AKR1B1: variants seen among roughly 807,000 people sequenced by gnomAD.
The protein encoded by AKR1B1 is aldo-keto reductase family 1 member B1.
A neutral mutation model predicts 40.4 loss-of-function variants in AKR1B1; 22 were observed. The ratio of observed to expected loss-of-function variants is 0.54; its 90% CI spans 0.39 to 0.78. The LOEUF is 0.78. AKR1B1 is among the 30% of genes least tolerant of loss of function. The pLI is 0.00. For missense variants in AKR1B1, 357 were observed against 396.7 expected, an observed-to-expected ratio of 0.90 and a Z score of 0.85; for synonymous variants, 157 against 149.9, an observed-to-expected ratio of 1.05 and a Z score of -0.35.
intron 1 of AKR1B1, 110 bp downstream of exon 1, chr7:134,458,887 C>A: frequency 7.6e-7 from 1 of 1,308,104 alleles, no homozygotes; most frequent in South Asian, 1.3e-5. Flanking sequence ...TCCCAGCACG[C>A]CGGGCGTCCG....
At chr7:134,451,560 C>G in intron 2 of AKR1B1, 26 bp downstream of exon 2, 1 of 1,612,900 alleles carries the variant, frequency 6.2e-7, no homozygotes, top group Non-Finnish European at 8.5e-7. Context: ...CCGAGAGCCC[C>G]TTCCAGCCCC....
At chr7:134,448,952 TA>T (rs768726474) in intron 5 of AKR1B1, 44 bp downstream of exon 5, 1 of 1,613,302 alleles carries the variant, frequency 6.2e-7, no homozygotes, top group Admixed American at 1.7e-5. Flanking sequence ...CATCAGACAG[TA>T]AAACAGCAAC....
chr7:134,442,668 A>G lies in AKR1B1; in HGVS notation c.*60T>C, dbSNP rs1173957226. 7.0e-6 allele frequency: 11 copies of G among 1,580,132 alleles called. No homozygotes were observed. Among genetic ancestry groups the G allele is most frequent in the Non-Finnish European group, 9.6e-6 (11 of 1,150,002 alleles). On this transcript the variant is annotated 3_prime_UTR_variant, in exon 10 of 10. Transcript: ENST00000285930. ...ACAGGCCATACTACATTTGCAAGGA[A>G]AAAAATGAGGCAAGAAACACAGGTA...
At chr7:134,446,815 C>T (rs1236202715) in intron 8 of AKR1B1, among the ~76,000 whole-genome samples, 4 of 152,240 alleles carry the variant, frequency 2.6e-5, no homozygotes, top group Non-Finnish European at 4.4e-5. Context: ...CAACATTTCT[C>T]GATCACTTAC....
At chr7:134,451,781 C>T in intron 1 of AKR1B1, 28 bp from the exon 2 acceptor site, 1 of 1,611,482 alleles carries the variant, frequency 6.2e-7, no homozygotes, top group Non-Finnish European at 8.5e-7. Context: ...GTGAGCCCCG[C>T]AGAATGCAGA....
chr7:134,453,088 C>G (rs1277553664), intron 1 of AKR1B1, among the ~76,000 whole-genome samples: 1 of 152,174 alleles, frequency 6.6e-6, no homozygotes, highest in Non-Finnish European at 1.5e-5. Context: ...GGTGTCCGGG[C>G]ACAACCACCA....
At chr7:134,449,408 A>C (rs945571019) in intron 4 of AKR1B1, 3 of 555,480 alleles carry the variant, frequency 5.4e-6, no homozygotes, top group Non-Finnish European at 6.5e-6. Flanking sequence ...AACACGGTGA[A>C]ACCCCGTCTC....
chr7:134,444,507 A>G (rs548334734), intron 9 of AKR1B1, among the ~76,000 whole-genome samples: 2 of 152,262 alleles, frequency 1.3e-5, no homozygotes, highest in South Asian at 4.1e-4. Flanking sequence ...AAGAGGAAGT[A>G]CTAAAGGAGA....
intron 5 of AKR1B1, 65 bp downstream of exon 5, chr7:134,448,932 T>C: frequency 6.2e-7 from 1 of 1,607,940 alleles, no homozygotes; most frequent in African/African-American, 1.3e-5. Flanking sequence ...GGACGAGAAA[T>C]CCCTACCAGC....
At chr7:134,455,740 T>C (rs937787850) in intron 1 of AKR1B1, among the ~76,000 whole-genome samples, 3 of 149,348 alleles carry the variant, frequency 2.0e-5, no homozygotes, top group African/African-American at 5.1e-5. Context: ...CCCACCACCA[T>C]GCCGGGCTAA....
chr7:134,451,396 GA>G, intron 2 of AKR1B1, 189 bp downstream of exon 2: 1 of 705,066 alleles, frequency 1.4e-6, no homozygotes, highest in Non-Finnish European at 2.5e-6. Context: ...CAGATGGAAT[GA>G]CCATTCAACA....
chr7:134,456,551 CATCCTTAT>C (rs1806480777), intron 1 of AKR1B1, among the ~76,000 whole-genome samples: 1 of 151,900 alleles, frequency 6.6e-6, no homozygotes, highest in Non-Finnish European at 1.5e-5. Context: ...ATTCCAAGTC[CATCCTTAT>C]ACCATTACTT....
intron 1 of AKR1B1, among the ~76,000 whole-genome samples, chr7:134,455,632 G>T (rs1275111282): frequency 3.9e-5 from 6 of 152,174 alleles, no homozygotes; most frequent in Admixed American, 6.5e-5. Context: ...CGCCTAGGCT[G>T]GAGTGCAGTG....
At chr7:134,457,553 C>T (rs962337909) in intron 1 of AKR1B1, among the ~76,000 whole-genome samples, 1 of 152,140 alleles carries the variant, frequency 6.6e-6, no homozygotes, top group Non-Finnish European at 1.5e-5. Context: ...CTTTTTCTTA[C>T]CTTATATTTA....
rs1223283232 is a variant in AKR1B1 at position 134,448,386 on chromosome 7, C to A, written c.659+1G>T. 5 of 1,612,306 alleles carry A rather than the reference C, an allele frequency of 3.1e-6. No individual in the cohort carries two copies. Among genetic ancestry groups the A allele is most frequent in the Non-Finnish European group, 4.2e-6 (5 of 1,178,694 alleles). ...GGAGCATGAGCCTGTGGGAAGCTCA[C>A]CAGGGCCTGTCAGGAGAGCCGAGGG... On this transcript the variant is annotated splice_donor_variant, in intron 6 of 9. Coordinates refer to ENST00000285930, the MANE Select transcript of AKR1B1 (RefSeq NM_001628.4). LOFTEE classifies it high-confidence loss of function.
intron 7 of AKR1B1, 163 bp from the exon 8 acceptor site, chr7:134,447,544 C>T (rs924351289): frequency 1.7e-5 from 12 of 702,526 alleles, no homozygotes; most frequent in East Asian, 2.7e-5. Context: ...AGGTAGGCGA[C>T]GCATTCAGGT....
At position 134,449,083 on chromosome 7, in the gene AKR1B1, C is replaced by A. The variant is rs1270285190; in HGVS notation, c.466G>T (p.Ala156Ser). 1.2e-6 allele frequency: 2 copies of A among 1,613,932 alleles called. No individual in the cohort carries two copies. Among genetic ancestry groups the A allele is most frequent in the East Asian group, 4.5e-5 (2 of 44,896 alleles). The change falls in exon 5 of 10, where the codon GCT (alanine) becomes TCT (serine). Residue 156 changes from alanine (A) to serine (S), a missense_variant. By Grantham distance (99) the Ala-to-Ser change is moderately conservative. Transcript: ENST00000285930. Reference protein sequence around the residue: ...EELVDEGLVKAIGISNFNHLQ... With the variant: ...EELVDEGLVKSIGISNFNHLQ... The stretch of plus-strand genomic sequence containing the variant: ...TGGTTGAAGTTGGAGATGCCAATAG[C>A]TTTCACCAGCCCTTCATCCACCAGC...
intron 1 of AKR1B1, among the ~76,000 whole-genome samples, chr7:134,457,829 T>C (rs982680525): frequency 3.9e-5 from 6 of 152,022 alleles, no homozygotes; most frequent in Non-Finnish European, 7.4e-5. Context: ...GCGGAGACTG[T>C]CTCTGCGGGG....
intron 1 of AKR1B1, among the ~76,000 whole-genome samples, chr7:134,458,482 G>A (rs1161446803): frequency 6.6e-6 from 1 of 152,144 alleles, no homozygotes; most frequent in Non-Finnish European, 1.5e-5. Flanking sequence ...TCCTCAGGGA[G>A]GGCAAGAATC....
Sources: gnomAD v4.1 joint callset for allele counts (sites outside exome capture counted in the v4.1 genomes callset) on GRCh38, gnomAD v4.1.1 for gene constraint, MANE v1.5 for transcripts, NCBI Gene and HGNC (gene_info 2026-07-23, HGNC 2026-07-21) for gene names.